IL3RA: variants seen among roughly 807,000 people sequenced by gnomAD.
IL3RA encodes interleukin-3 receptor subunit alpha.
IL3RA carries 73 observed loss-of-function variants against 52.3 expected under a neutral mutation model. The observed-to-expected ratio is 1.40, with a 90% CI of 1.16 to 1.70. The LOEUF (loss-of-function observed/expected upper bound fraction) is 1.70. Ranked by LOEUF, IL3RA falls within the 40% of genes most tolerant of loss-of-function variation. IL3RA has a pLI of 0.00. For missense variants in IL3RA, 664 were observed against 504.4 expected (o/e 1.32, Z -3.03); for synonymous variants, 260 against 194.0 (o/e 1.34, Z -2.83).
At chrX:1,362,234 G>A (rs1179351440) in intron 8 of IL3RA, among the ~76,000 whole-genome samples, 18 of 148,790 alleles carry the variant, frequency 1.2e-4, no homozygotes. Flanking sequence ...CACCCACTCT[G>A]TCTGTCTTTG....
intron 9 of IL3RA, among the ~76,000 whole-genome samples, chrX:1,368,514 T>A (rs1479726938): frequency 6.6e-6 from 1 of 152,122 alleles, no homozygotes. Context: ...TGAATTGTGT[T>A]CCCTCAAAAT....
At chrX:1,346,911 C>A (rs1472816394) in intron 3 of IL3RA, among the ~76,000 whole-genome samples, 1 of 151,278 alleles carries the variant, frequency 6.6e-6, no homozygotes, top group African/African-American at 2.5e-5. Flanking sequence ...TTATAAAATC[C>A]TACCCCCAGC....
intron 2 of IL3RA, among the ~76,000 whole-genome samples, chrX:1,344,413 G>A (rs1164696936): frequency 1.3e-5 from 2 of 151,840 alleles, no homozygotes; most frequent in Admixed American, 6.6e-5. Context: ...CAGCCTGGGC[G>A]ACAGAGTGAG....
At chrX:1,379,408 G>T (rs181556772) in intron 10 of IL3RA, among the ~76,000 whole-genome samples, 2 of 150,190 alleles carry the variant, frequency 1.3e-5, no homozygotes, top group African/African-American at 4.9e-5. Context: ...CCCCAGCCTC[G>T]GCCTCCCAAA....
Position 1,351,959 on chromosome X carries a change from T to A in IL3RA, c.299-141T>A, listed in dbSNP as rs1475950749. On this transcript the variant is annotated intron_variant, in intron 4 of 11. Transcript: ENST00000331035. The stretch of plus-strand genomic sequence containing the variant: ...TTTGCATTTTTAGTAGAGATTGGGT[T>A]TCTCCATGTTGGCCAGGCTGGTCTC... 9.5e-6 allele frequency: 10 copies of A among 1,048,224 alleles called. No individual in the cohort carries two copies. The African/African-American group carries it at 1.3e-4, about 14-fold the overall frequency. The allele number at this position is 1,048,224 out of a possible 1,614,324, so 64.9% of individuals were successfully genotyped here. A position where few individuals can be genotyped will look rare whatever the true frequency, so the allele number is the denominator to read the frequency against.
chrX:1,353,222 GACCCCCCCA>G, intron 6 of IL3RA, among the ~76,000 whole-genome samples: 1 of 145,218 alleles, frequency 6.9e-6, no homozygotes, highest in African/African-American at 2.6e-5. Context: ...TGGGTAATAG[GACCCCCCCA>G]TCATGGGTTC....
chrX:1,370,776 G>A (rs1294506007), intron 9 of IL3RA, among the ~76,000 whole-genome samples: 4 of 71,022 alleles, frequency 5.6e-5, no homozygotes, highest in African/African-American at 1.6e-4. Flanking sequence ...CGAGGACACA[G>A]ACACACAGAG....
chrX:1,361,841 C>T (rs1473897801), intron 8 of IL3RA, among the ~76,000 whole-genome samples: 1 of 151,828 alleles, frequency 6.6e-6, no homozygotes, highest in South Asian at 2.1e-4. Context: ...ATTCACTACC[C>T]CGAGAACAGT....
Position 1,356,219 on chromosome X carries a change from A to G in IL3RA, c.617-2A>G, listed in dbSNP as rs760073173. On this transcript the variant is annotated splice_acceptor_variant, in intron 6 of 11. Transcript: ENST00000331035. LOFTEE classifies it high-confidence loss of function. Reference sequence around the variant, plus strand: ...TCCTAAAAGTGTTTTTCTCGTTGCTAGAGATATTAACTCCACCCAACATGA... The same window carrying G: ...TCCTAAAAGTGTTTTTCTCGTTGCTGGAGATATTAACTCCACCCAACATGA... 28 of 1,547,628 alleles carry G rather than the reference A, an allele frequency of 1.8e-5. No homozygotes were observed. The South Asian group carries it at 2.6e-4, about 14-fold the overall frequency.
At chrX:1,342,926 T>C (rs1323661619) in intron 2 of IL3RA, among the ~76,000 whole-genome samples, 9 of 151,254 alleles carry the variant, frequency 6.0e-5, no homozygotes, top group Non-Finnish European at 7.4e-5. Context: ...AATACAAAAA[T>C]CAGCTGGGCG....
intron 8 of IL3RA, among the ~76,000 whole-genome samples, chrX:1,364,289 C>T (rs1328776618): frequency 2.0e-5 from 3 of 151,484 alleles, no homozygotes; most frequent in African/African-American, 7.3e-5. Flanking sequence ...GTTGGGAGTT[C>T]GAGACCAGCC....
intron 7 of IL3RA, among the ~76,000 whole-genome samples, chrX:1,358,530 G>A (rs747670986): frequency 1.2e-4 from 18 of 152,230 alleles, no homozygotes; most frequent in South Asian, 4.1e-4. Flanking sequence ...GTGGTGGCAC[G>A]CACCTGTAGT....
chrX:1,356,293 G>A lies in IL3RA; in HGVS notation c.689G>A (p.Ser230Asn). 1 of 1,613,598 alleles carries A rather than the reference G, an allele frequency of 6.2e-7. No homozygotes were observed. The highest frequency in any genetic ancestry group is 8.5e-7 in the Non-Finnish European group (1 of 1,179,702). ...THSFMHWKMRSHFNRKFRYEL... is the reference protein window; with the variant it reads ...THSFMHWKMRNHFNRKFRYEL... ...TCCTTTATGCACTGGAAAATGAGAA[G>A]TCATTTCAATCGCAAATTTCGCTAT... The change falls in exon 7 of 12, where the codon AGT becomes AAT. Residue 230 changes from serine to asparagine, a missense_variant. Ser to Asn is a conservative substitution (Grantham distance 46). Coordinates refer to ENST00000331035, the MANE Select transcript of IL3RA (RefSeq NM_002183.4).
At chrX:1,338,750 T>C in intron 1 of IL3RA, among the ~76,000 whole-genome samples, 1 of 152,120 alleles carries the variant, frequency 6.6e-6, no homozygotes, top group East Asian at 1.9e-4. Context: ...GACGGGTCTT[T>C]AATGGGTCTG....
chrX:1,350,795 A>G (rs1649807205), intron 4 of IL3RA, among the ~76,000 whole-genome samples: 1 of 151,314 alleles, frequency 6.6e-6, no homozygotes, highest in Non-Finnish European at 1.5e-5. Flanking sequence ...GCTACTCAGG[A>G]GGCTGAGGCA....
At chrX:1,357,026 C>G (rs1306353709) in intron 7 of IL3RA, among the ~76,000 whole-genome samples, 1 of 151,706 alleles carries the variant, frequency 6.6e-6, no homozygotes, top group Non-Finnish European at 1.5e-5. Flanking sequence ...AATCTTGACT[C>G]ACTGCAACCT....
intron 8 of IL3RA, among the ~76,000 whole-genome samples, chrX:1,363,806 G>A (rs2087684318): frequency 6.6e-6 from 1 of 151,864 alleles, no homozygotes. Flanking sequence ...TGCAATCTCT[G>A]CCTCCTGGGC....
At position 1,346,991 on chromosome X, in the gene IL3RA, G is replaced by C. The variant is rs1340385036; in HGVS notation, c.184-1440G>C. Among the ~76,000 whole-genome samples, 7 of 150,794 alleles carry C rather than the reference G, an allele frequency of 4.6e-5. 1 individual carries two copies. The highest frequency in any genetic ancestry group is 1.7e-4 in the African/African-American group (7 of 40,492). The stretch of plus-strand genomic sequence containing the variant: ...ATAAAACAGTCTAGAATCCCAGAGC[G>C]ATTTTACCATACCATGGCAAACTGA... On this transcript the variant is annotated intron_variant, in intron 3 of 11. Transcript: ENST00000331035.
At chrX:1,359,036 T>C in intron 8 of IL3RA, 149 bp downstream of exon 8, 1 of 623,808 alleles carries the variant, frequency 1.6e-6, no homozygotes, top group Non-Finnish European at 2.3e-6. Context: ...TATTCAATGT[T>C]CAGTGACTTT....
Sources: gnomAD v4.1 joint callset for allele counts (sites outside exome capture counted in the v4.1 genomes callset) on GRCh38, gnomAD v4.1.1 for gene constraint, MANE v1.5 for transcripts, NCBI Gene and HGNC (gene_info 2026-07-23, HGNC 2026-07-21) for gene names.